Variants in CLTCL1 observed in about 807,000 individuals in gnomAD.
The protein encoded by CLTCL1 is clathrin heavy chain 2.
Under a neutral mutation model 190.0 loss-of-function variants are expected in CLTCL1, and 159 were observed. The ratio of observed to expected loss-of-function variants is 0.84; its 90% confidence interval spans 0.74 to 0.95. The LOEUF is 0.95. Ranked by LOEUF, CLTCL1 falls within the 40% of genes least tolerant of loss-of-function variation. The pLI, the probability that CLTCL1 is intolerant of heterozygous loss-of-function variation, is 0.00. For missense variants in CLTCL1, 1,878 were observed against 2,033.4 expected (o/e 0.92, Z 1.47); for synonymous variants, 752 against 769.6 (o/e 0.98, Z 0.38).
At position 19,220,051 on chromosome 22, in the gene CLTCL1, C is replaced by T. The variant is rs201432044; in HGVS notation, c.2797-44G>A. ...TGTGTGTGACACAGCAGCCAACCAG[C>T]GGAAGCTGCTTGGGAGGACACACCC... On this transcript the variant is annotated intron_variant, in intron 17 of 32. Transcript: ENST00000427926. 17 of 1,611,954 alleles carry T rather than the reference C, an allele frequency of 1.1e-5. No individual in the cohort carries two copies. The Admixed American group carries it at 1.7e-4, about 16-fold the overall frequency.
chr22:19,222,021 G>A lies in CLTCL1; in HGVS notation c.2491C>T (p.His831Tyr), dbSNP rs1555952822. 6.2e-7 allele frequency: 1 copy of A among 1,613,610 alleles called. No individual in the cohort carries two copies. Among genetic ancestry groups the A allele is most frequent in the East Asian group, 2.2e-5 (1 of 44,872 alleles). Residue 831 changes from histidine to tyrosine, a missense_variant, in exon 16 of 33, where the codon CAC becomes TAC. By Grantham distance (83) the His-to-Tyr change is moderately conservative (BLOSUM62 2). Coordinates refer to ENST00000427926, the MANE Select transcript of CLTCL1 (RefSeq NM_007098.4). ...TGTCCTCTCACTGCCATGATTAAGT[G>A]TTTAATCACTTCCTCAGAACAATCC... is the stretch of plus-strand genomic sequence containing the variant. ...DVDCSEEVIK[H>Y]LIMAVRGQFS... is the part of the protein sequence containing the mutation.
intron 24 of CLTCL1, among the ~76,000 whole-genome samples, chr22:19,197,289 C>CG (rs1366756043): frequency 9.2e-5 from 14 of 152,096 alleles, no homozygotes; most frequent in Non-Finnish European, 1.8e-4. Context: ...AAGGAGGACA[C>CG]CCTTCTGTGC....
At chr22:19,255,590 C>T (rs2086719716) in intron 2 of CLTCL1, among the ~76,000 whole-genome samples, 1 of 151,444 alleles carries the variant, frequency 6.6e-6, no homozygotes, top group African/African-American at 2.4e-5. Context: ...TTTTGAGATA[C>T]TAGCAGCAAA....
In CLTCL1 at chr22:19,208,937, A is replaced by C. The variant is rs782670762; in HGVS notation, c.3427T>G (p.Ser1143Ala). 1 of 1,608,362 alleles carries C rather than the reference A, an allele frequency of 6.2e-7. No homozygotes were observed. Among genetic ancestry groups the C allele is most frequent in the Non-Finnish European group, 8.5e-7 (1 of 1,177,338 alleles). The change falls in exon 21 of 33, where the codon TCA (serine) becomes GCA (alanine). Residue 1143 changes from serine (S) to alanine (A), a missense_variant. Physicochemically the swap from Ser to Ala is moderately conservative, Grantham distance 99. Transcript: ENST00000427926. ...DPSSYLEVVQ[S>A]ASRSNNWEDL... ...ACTCACTTACTGCTCCTGCTGGCTGACTGAACAACTTCCAGGTAAGAGGAA... is the reference window on the plus strand; with the variant it reads ...ACTCACTTACTGCTCCTGCTGGCTGCCTGAACAACTTCCAGGTAAGAGGAA...
chr22:19,270,429 GAGA>G (rs1303010036), intron 2 of CLTCL1, among the ~76,000 whole-genome samples: 10 of 151,856 alleles, frequency 6.6e-5, no homozygotes, highest in African/African-American at 2.4e-4. Flanking sequence ...AAAAATCACC[GAGA>G]AGGAGTGAAT....
intron 3 of CLTCL1, among the ~76,000 whole-genome samples, chr22:19,243,474 C>G (rs1234657457): frequency 1.3e-5 from 2 of 151,974 alleles, no homozygotes; most frequent in African/African-American, 4.8e-5. Context: ...AGAAAATTAG[C>G]TGGTCATGGT....
intron 2 of CLTCL1, among the ~76,000 whole-genome samples, chr22:19,256,528 C>T (rs904325683): frequency 4.0e-5 from 6 of 151,568 alleles, no homozygotes; most frequent in East Asian, 3.9e-4. Flanking sequence ...ACCTAATTTT[C>T]GCATTTTTTT....
chr22:19,256,271 C>T (rs2086746419), intron 2 of CLTCL1, among the ~76,000 whole-genome samples: 1 of 152,018 alleles, frequency 6.6e-6, no homozygotes, highest in Admixed American at 6.6e-5. Context: ...GATCCTCCTG[C>T]CTCAGCCTCT....
intron 2 of CLTCL1, among the ~76,000 whole-genome samples, chr22:19,264,136 A>G (rs1555976844): frequency 6.6e-6 from 1 of 152,108 alleles, no homozygotes; most frequent in South Asian, 2.1e-4. Context: ...TCTACAAAGA[A>G]AAAATGTTTT....
At chr22:19,245,446 C>T (rs1294289333) in intron 3 of CLTCL1, among the ~76,000 whole-genome samples, 1 of 152,178 alleles carries the variant, frequency 6.6e-6, no homozygotes, top group Non-Finnish European at 1.5e-5. Context: ...TCCACCTTGG[C>T]TTCCCAAAGT....
chr22:19,231,501 C>T (rs2085917651), intron 10 of CLTCL1, among the ~76,000 whole-genome samples: 2 of 152,194 alleles, frequency 1.3e-5, no homozygotes, highest in African/African-American at 4.8e-5. Context: ...TCTTGACTAA[C>T]AAAGCAGCTG....
intron 3 of CLTCL1, among the ~76,000 whole-genome samples, chr22:19,253,705 C>CTT (rs200020789): frequency 2.0e-5 from 3 of 146,764 alleles, no homozygotes; most frequent in Non-Finnish European, 3.0e-5. Context: ...CTATAACCAA[C>CTT]TTTTTTTTTT....
At chr22:19,272,980 G>A (rs1337826784) in intron 2 of CLTCL1, among the ~76,000 whole-genome samples, 2 of 152,070 alleles carry the variant, frequency 1.3e-5, no homozygotes, top group Non-Finnish European at 2.9e-5. Flanking sequence ...TGCTTCACGA[G>A]CCCCTTTCCA....
At chr22:19,259,542 T>G (rs988071496) in intron 2 of CLTCL1, among the ~76,000 whole-genome samples, 1 of 152,176 alleles carries the variant, frequency 6.6e-6, no homozygotes, top group African/African-American at 2.4e-5. Context: ...TTCAAACTTT[T>G]TCATTATTAT....
At chr22:19,263,259 ATTTT>A (rs530354733) in intron 2 of CLTCL1, among the ~76,000 whole-genome samples, 5 of 135,666 alleles carry the variant, frequency 3.7e-5, no homozygotes, top group Admixed American at 7.4e-5. Flanking sequence ...CACACCCAGA[ATTTT>A]TTTTTTTTTT....
rs1350368183 is a variant in CLTCL1 at position 19,281,054 on chromosome 22, G to C, written c.43-5224C>G. On this transcript the variant is annotated intron_variant, in intron 1 of 32. Coordinates refer to ENST00000427926, the MANE Select transcript of CLTCL1 (RefSeq NM_007098.4). The stretch of plus-strand genomic sequence containing the variant: ...ACCTGTAATCCCAGCACTCTGGGAG[G>C]CCGAGGCGGGCAGATCACGAGGTCA... Among the ~76,000 whole-genome samples the C allele has an allele frequency of 3.3e-5, 5 of 151,876 alleles. No individual in the cohort carries two copies. The East Asian group carries it at 9.8e-4, about 30-fold the overall frequency.
At chr22:19,203,550 A>G (rs927122248) in intron 22 of CLTCL1, among the ~76,000 whole-genome samples, 1 of 151,562 alleles carries the variant, frequency 6.6e-6, no homozygotes, top group Admixed American at 6.6e-5. Context: ...TTTTCTGGAC[A>G]CCCCTGCCTG....
chr22:19,227,277 CTTTT>C (rs11375007), intron 11 of CLTCL1, among the ~76,000 whole-genome samples: 6 of 121,072 alleles, frequency 5.0e-5, no homozygotes, highest in Admixed American at 8.8e-5. Flanking sequence ...GGCATAAAAT[CTTTT>C]TTTTTTTTTT....
chr22:19,276,835 A>AT (rs1478311145), intron 1 of CLTCL1, among the ~76,000 whole-genome samples: 1 of 151,510 alleles, frequency 6.6e-6, no homozygotes, highest in African/African-American at 2.4e-5. Flanking sequence ...ACGCCTGGCT[A>AT]TTTTTTGTAT....
Sources: allele counts gnomAD v4.1 joint callset (sites outside exome capture counted in the v4.1 genomes callset), GRCh38; gene constraint gnomAD v4.1.1; transcripts MANE v1.5; gene names NCBI Gene and HGNC (gene_info 2026-07-23, HGNC 2026-07-21).